GK: variants seen among roughly 807,000 people sequenced by gnomAD.
GK encodes ATP:glycerol 3-phosphotransferase.
Under a neutral mutation model 56.4 loss-of-function variants are expected in GK, and 9 were observed. The observed-to-expected ratio is 0.16, with a 90% CI of 0.10 to 0.28. The LOEUF is 0.28. GK is among the 10% of genes least tolerant of loss of function. The pLI, the probability that GK is intolerant of heterozygous loss-of-function variation, is 1.00. For missense variants in GK, 161 were observed against 431.4 expected (o/e 0.37, Z 5.55); for synonymous variants, 104 against 144.1 (o/e 0.72, Z 1.99).
intron 13 of GK, among the ~76,000 whole-genome samples, chrX:30,709,333 C>A (rs994779161): frequency 8.9e-6 from 1 of 112,018 alleles, no homozygotes; most frequent in Admixed American, 9.5e-5. Context: ...ATGTGAAAAA[C>A]CTTCTCCTGT....
rs138559207 is a variant in GK, at chrX:30,664,450, G to A, written c.79-1061G>A. 3.9e-3 allele frequency among the ~76,000 whole-genome samples: 421 copies of A among 107,923 alleles called. 2 individuals carry two copies. Among genetic ancestry groups the A allele is most frequent in the Non-Finnish European group, 6.6e-3 (346 of 52,355 alleles). 93.7% of individuals were successfully genotyped at this position (107,923 alleles called of 115,157 possible). On this transcript the variant is annotated intron_variant, in intron 1 of 20. Coordinates refer to ENST00000427190, the MANE Select transcript of GK (RefSeq NM_001205019.2). ...CCTGACCTCGTGATCCGCCTGCCTCGGCCTCCCAAAGTGCTGGGGTTATAG... is the reference window on the plus strand; with the variant it reads ...CCTGACCTCGTGATCCGCCTGCCTCAGCCTCCCAAAGTGCTGGGGTTATAG...
At chrX:30,690,701 T>C (rs892960265) in intron 4 of GK, among the ~76,000 whole-genome samples, 9 of 111,821 alleles carry the variant, frequency 8.0e-5, no homozygotes, top group Non-Finnish European at 1.7e-4. Context: ...GCTCCCTAGT[T>C]TGTTAAGATG....
In GK at chrX:30,730,930, T is replaced by A. The variant is rs1326393522; in HGVS notation, c.*2188T>A. Reference sequence around the variant, plus strand: ...CTTTAATCATTCTATTAGAAGAAACTACACTGTCCCATCTCAGCATTTGCA... The same window carrying A: ...CTTTAATCATTCTATTAGAAGAAACAACACTGTCCCATCTCAGCATTTGCA... On this transcript the variant is annotated 3_prime_UTR_variant, in exon 21 of 21. Transcript: ENST00000427190. 8.9e-6 allele frequency: 1 copy of A among 112,094 alleles called. No individual in the cohort carries two copies. The highest frequency in any genetic ancestry group is 1.9e-5 in the Non-Finnish European group (1 of 53,257). The allele number at this position is 112,094 out of a possible 1,213,427, so 9.2% of individuals were successfully genotyped here. A position where few individuals can be genotyped will look rare whatever the true frequency, so the allele number is the denominator to read the frequency against.
At chrX:30,695,063 C>A in intron 6 of GK, 1 of 407,885 alleles carries the variant, frequency 2.5e-6, no homozygotes, top group Non-Finnish European at 4.1e-6. Context: ...ACTATACTCA[C>A]ATATTCTTTC....
chrX:30,663,023 C>T (rs137890569), intron 1 of GK, among the ~76,000 whole-genome samples: 4,636 of 110,155 alleles, frequency 0.042, 256 homozygotes, highest in African/African-American at 0.14. Context: ...GCTGGGATTA[C>T]AGGCATGCGC....
intron 13 of GK, among the ~76,000 whole-genome samples, chrX:30,718,321 G>A (rs1259195826): frequency 8.9e-6 from 1 of 111,853 alleles, no homozygotes; most frequent in Non-Finnish European, 1.9e-5. Flanking sequence ...AGGGTGTGCT[G>A]GAAAGCTCAC....
intron 1 of GK, among the ~76,000 whole-genome samples, chrX:30,657,907 A>C (rs1274339138): frequency 8.9e-6 from 1 of 112,125 alleles, no homozygotes; most frequent in Non-Finnish European, 1.9e-5. Context: ...CATACTTATA[A>C]ATTGGTTTTG....
At chrX:30,713,220 T>C (rs992165102) in intron 13 of GK, among the ~76,000 whole-genome samples, 1 of 111,405 alleles carries the variant, frequency 9.0e-6, no homozygotes, top group Non-Finnish European at 1.9e-5. Context: ...TTCTATTCCC[T>C]GTCTTGCGCA....
intron 20 of GK, among the ~76,000 whole-genome samples, chrX:30,728,183 G>A (rs1431084765): frequency 9.0e-6 from 1 of 111,087 alleles, no homozygotes; most frequent in Admixed American, 9.7e-5. Flanking sequence ...AAGTAAAATG[G>A]CTCAGCATGT....
intron 5 of GK, among the ~76,000 whole-genome samples, chrX:30,693,011 C>CTTT (rs1184645786): frequency 1.5e-3 from 85 of 56,596 alleles, no homozygotes; most frequent in Non-Finnish European, 1.8e-3. Flanking sequence ...TTTTTCTTTT[C>CTTT]TTTTTTTTTT....
intron 1 of GK, among the ~76,000 whole-genome samples, chrX:30,660,525 A>G (rs757039566): frequency 6.4e-4 from 71 of 111,552 alleles, no homozygotes; most frequent in African/African-American, 2.2e-3. Flanking sequence ...AGTAGTAGCA[A>G]CAATGATAGT....
intron 12 of GK, 55 bp downstream of exon 12, chrX:30,707,653 GC>G: frequency 3.0e-6 from 2 of 658,073 alleles, no homozygotes; most frequent in Non-Finnish European, 5.0e-6. Flanking sequence ...TCTAAATAAT[GC>G]TTGAACATAA....
At chrX:30,700,346 T>C in intron 9 of GK, 68 bp from the exon 10 acceptor site, 1 of 708,194 alleles carries the variant, frequency 1.4e-6, no homozygotes, top group South Asian at 2.2e-5. Flanking sequence ...TGTTCACTCT[T>C]GTTGCAGCTA....
At chrX:30,682,260 T>A (rs1934319771) in intron 4 of GK, among the ~76,000 whole-genome samples, 2 of 112,044 alleles carry the variant, frequency 1.8e-5, no homozygotes, top group Admixed American at 1.9e-4. Flanking sequence ...ATAACATAGA[T>A]GTGATAATCT....
At chrX:30,725,176 C>G (rs1240476445) in intron 19 of GK, among the ~76,000 whole-genome samples, 2 of 111,541 alleles carry the variant, frequency 1.8e-5, no homozygotes, top group African/African-American at 3.3e-5. Context: ...AGCCACTGCA[C>G]CTGGCTTGAG....
intron 13 of GK, among the ~76,000 whole-genome samples, chrX:30,718,255 A>T (rs1217125642): frequency 5.4e-5 from 6 of 112,083 alleles, no homozygotes; most frequent in Non-Finnish European, 5.7e-5. Context: ...CAGACAGAAA[A>T]TTGTTCAAGA....
At chrX:30,704,567 C>T (rs1373569647) in intron 11 of GK, among the ~76,000 whole-genome samples, 10 of 106,301 alleles carry the variant, frequency 9.4e-5, no homozygotes, top group African/African-American at 2.8e-4. Flanking sequence ...ATTAGGTCTT[C>T]GTTTGGTGAC....
In GK at chrX:30,715,100, T is replaced by G. The variant is rs932732885; in HGVS notation, c.976-3438T>G. ...GTTTGCTATGCCTGATGAATGATTG[T>G]AAGCAATTTAGGGTAATCTTTACTT... On this transcript the variant is annotated intron_variant, in intron 13 of 20. Transcript: ENST00000427190. Among the ~76,000 whole-genome samples, 3 of 112,095 alleles carry G rather than the reference T, an allele frequency of 2.7e-5. No individual in the cohort carries two copies. In the Admixed American group the frequency reaches 2.8e-4, roughly 11 times the overall value.
chrX:30,716,492 T>C (rs1239867925), intron 13 of GK, among the ~76,000 whole-genome samples: 1 of 111,724 alleles, frequency 9.0e-6, no homozygotes, highest in Non-Finnish European at 1.9e-5. Context: ...CATGTTGAAA[T>C]TTTTTTTAAT....
Sources: allele counts gnomAD v4.1 joint callset (sites outside exome capture counted in the v4.1 genomes callset), GRCh38; gene constraint gnomAD v4.1.1; transcripts MANE v1.5; gene names NCBI Gene and HGNC (gene_info 2026-07-23, HGNC 2026-07-21).